Variants in RALGAPA1 observed in about 807,000 individuals in gnomAD.
RALGAPA1 encodes Ral GTPase activating protein catalytic subunit alpha 1.
A neutral mutation model predicts 269.6 loss-of-function variants in RALGAPA1; 52 were observed. That is an observed-to-expected ratio of 0.19 (90% CI 0.15 to 0.24). The LOEUF (loss-of-function observed/expected upper bound fraction) is 0.24. Ranked by LOEUF, RALGAPA1 falls within the 10% of genes least tolerant of loss-of-function variation. The pLI, the probability that RALGAPA1 is intolerant of heterozygous loss-of-function variation, is 1.00. For missense variants in RALGAPA1, 1,917 were observed against 3,013.9 expected (o/e 0.64, Z 8.52); for synonymous variants, 817 against 1,008.3 (o/e 0.81, Z 3.60).
intron 3 of RALGAPA1, 33 bp downstream of exon 3, chr14:35,774,973 A>C (rs770580643): frequency 7.3e-7 from 1 of 1,377,018 alleles, no homozygotes; most frequent in Non-Finnish European, 1.0e-6. Flanking sequence ...ATTATTTTTG[A>C]AAAAGGGAAA....
chr14:35,559,319 T>C (rs1363884741), intron 39 of RALGAPA1, among the ~76,000 whole-genome samples: 1 of 152,230 alleles, frequency 6.6e-6, no homozygotes, highest in Admixed American at 6.5e-5. Flanking sequence ...TAATTTCTGC[T>C]TTACATCCTT....
At position 35,752,046 on chromosome 14, in the gene RALGAPA1, G is replaced by C. The variant is rs2072762955; in HGVS notation, c.780C>G (p.Asn260Lys). Residue 260 changes from asparagine to lysine, a missense_variant, in exon 8 of 42, where the codon AAC becomes AAG. Asn to Lys is a moderately conservative substitution (Grantham distance 94, BLOSUM62 0). Coordinates refer to ENST00000680220, the MANE Select transcript of RALGAPA1 (RefSeq NM_001346249.2). ...PYIFPNICKE[N>K]SLYHPILDIP... ...TACCAAGTATAGGATGATATAAACT[G>C]TTTTCCTTACAGATGTTTGGAAAAA... is the stretch of plus-strand genomic sequence containing the variant. The C allele has an allele frequency of 1.3e-6, 2 of 1,582,552 alleles. No individual in the cohort carries two copies. The highest frequency in any genetic ancestry group is 1.4e-5 in the African/African-American group (1 of 73,160).
chr14:35,664,601 A>G (rs2063785218), intron 27 of RALGAPA1, 41 bp downstream of exon 27: 2 of 1,498,098 alleles, frequency 1.3e-6, no homozygotes, highest in Non-Finnish European at 1.8e-6. Context: ...TTATGATTAT[A>G]AAATCATTTA....
At chr14:35,552,339 TA>T (rs1208040575) in intron 39 of RALGAPA1, among the ~76,000 whole-genome samples, 4 of 152,280 alleles carry the variant, frequency 2.6e-5, no homozygotes, top group Non-Finnish European at 4.4e-5. Context: ...CCAAAGCAGT[TA>T]ATTCCTATAT....
chr14:35,714,390 GT>G (rs2068627900), intron 16 of RALGAPA1, among the ~76,000 whole-genome samples: 1 of 152,154 alleles, frequency 6.6e-6, no homozygotes. Flanking sequence ...GATAGCTAGT[GT>G]TTCTGAGCAT....
At chr14:35,559,876 T>A (rs559459631) in intron 39 of RALGAPA1, among the ~76,000 whole-genome samples, 1 of 152,326 alleles carries the variant, frequency 6.6e-6, no homozygotes, top group East Asian at 1.9e-4. Flanking sequence ...AGGATTGTTG[T>A]GCAAGAATGA....
At chr14:35,584,942 C>T (rs767789003) in intron 37 of RALGAPA1, among the ~76,000 whole-genome samples, 9 of 151,894 alleles carry the variant, frequency 5.9e-5, no homozygotes, top group Non-Finnish European at 1.2e-4. Flanking sequence ...ATATTGTCTA[C>T]AAGAAAGCCA....
intron 15 of RALGAPA1, among the ~76,000 whole-genome samples, chr14:35,722,669 T>C (rs1226610248): frequency 6.6e-6 from 1 of 151,922 alleles, no homozygotes; most frequent in Admixed American, 6.6e-5. Context: ...CATATATTAA[T>C]GATATAATCA....
intron 11 of RALGAPA1, among the ~76,000 whole-genome samples, chr14:35,740,082 TTGTCTACC>T (rs1567130178): frequency 6.6e-6 from 1 of 152,174 alleles, no homozygotes; most frequent in Non-Finnish European, 1.5e-5. Context: ...CCTTTCCCAT[TTGTCTACC>T]TGTTCTTTTA....
intron 21 of RALGAPA1, among the ~76,000 whole-genome samples, chr14:35,679,533 A>C (rs1011858726): frequency 2.0e-5 from 3 of 152,220 alleles, no homozygotes; most frequent in African/African-American, 7.2e-5. Context: ...GTTTTGTAAT[A>C]AAGTATTGAC....
chr14:35,572,883 CT>C (rs1171834346), intron 37 of RALGAPA1, 165 bp from the exon 38 acceptor site: 1 of 413,724 alleles, frequency 2.4e-6, no homozygotes, highest in Non-Finnish European at 4.3e-6. Context: ...TCAGGAGACA[CT>C]GCAGAAGACC....
At chr14:35,585,594 G>C (rs1283449243) in intron 37 of RALGAPA1, among the ~76,000 whole-genome samples, 1 of 152,154 alleles carries the variant, frequency 6.6e-6, no homozygotes, top group Non-Finnish European at 1.5e-5. Flanking sequence ...TCGTTTCAGA[G>C]TACAACTTTA....
chr14:35,738,721 G>T, intron 11 of RALGAPA1, 71 bp from the exon 12 acceptor site: 1 of 1,293,812 alleles, frequency 7.7e-7, no homozygotes, highest in African/African-American at 1.5e-5. Flanking sequence ...AAGTTGAAAA[G>T]GTAAATGAAA....
intron 36 of RALGAPA1, among the ~76,000 whole-genome samples, chr14:35,604,625 T>C (rs1023989595): frequency 6.6e-6 from 1 of 152,044 alleles, no homozygotes; most frequent in East Asian, 1.9e-4. Flanking sequence ...ATATACTCTC[T>C]ATAGCAATTT....
intron 37 of RALGAPA1, among the ~76,000 whole-genome samples, chr14:35,582,398 C>A (rs1018276164): frequency 1.3e-5 from 2 of 152,188 alleles, no homozygotes; most frequent in Non-Finnish European, 2.9e-5. Flanking sequence ...AAATGCCGAA[C>A]AAACTGAAAA....
chr14:35,638,716 C>T (rs916804901), intron 31 of RALGAPA1, among the ~76,000 whole-genome samples: 9 of 151,948 alleles, frequency 5.9e-5, no homozygotes, highest in East Asian at 1.9e-4. Flanking sequence ...CCTGAGGTCA[C>T]GAGTTTGAGA....
chr14:35,643,189 G>T (rs927650735), intron 31 of RALGAPA1, among the ~76,000 whole-genome samples: 1 of 151,944 alleles, frequency 6.6e-6, no homozygotes, highest in Non-Finnish European at 1.5e-5. Context: ...TCGAGGGGTG[G>T]GGGGAGGCGG....
chr14:35,752,392 A>G (rs1360024966), intron 7 of RALGAPA1, among the ~76,000 whole-genome samples: 1 of 152,190 alleles, frequency 6.6e-6, no homozygotes, highest in Non-Finnish European at 1.5e-5. Flanking sequence ...GACTATGAAA[A>G]TTACACAAAA....
chr14:35,584,230 A>G (rs2058129411), intron 37 of RALGAPA1, among the ~76,000 whole-genome samples: 1 of 152,130 alleles, frequency 6.6e-6, no homozygotes, highest in Admixed American at 6.6e-5. Context: ...GATTAGGAAT[A>G]CTTTGTTATT....
Sources: gnomAD v4.1 joint callset for allele counts (sites outside exome capture counted in the v4.1 genomes callset) on GRCh38, gnomAD v4.1.1 for gene constraint, MANE v1.5 for transcripts, NCBI Gene and HGNC (gene_info 2026-07-23, HGNC 2026-07-21) for gene names.